The following HDAC1 variants were observed in gnomAD, a reference collection of about 807,000 sequenced individuals.
The protein encoded by HDAC1 is histone deacetylase 1, also known as protein deacetylase HDAC1.
A neutral mutation model predicts 65.5 loss-of-function variants in HDAC1; 18 were observed. That is an observed-to-expected ratio of 0.27 (90% CI 0.19 to 0.41). The LOEUF is 0.41. HDAC1 is among the 10% of genes least tolerant of loss of function. The pLI, the probability that HDAC1 is intolerant of heterozygous loss-of-function variation, is 1.00. For missense variants in HDAC1, 373 were observed against 625.2 expected, an observed-to-expected ratio of 0.60 and a Z score of 4.30; for synonymous variants, 211 against 227.9, an observed-to-expected ratio of 0.93 and a Z score of 0.67.
At chr1:32,294,963 T>G (rs185813416) in intron 1 of HDAC1, among the ~76,000 whole-genome samples, 11 of 152,140 alleles carry the variant, frequency 7.2e-5, no homozygotes, top group African/African-American at 1.9e-4. Context: ...CACTGTTTTT[T>G]TTGTTGTTGT....
At chr1:32,332,555 G>A in intron 12 of HDAC1, 146 bp from the exon 13 acceptor site, 1 of 677,338 alleles carries the variant, frequency 1.5e-6, no homozygotes, top group Non-Finnish European at 2.6e-6. Context: ...TCTCAACAGG[G>A]CTCACTGGGA....
At position 32,330,357 on chromosome 1, in the gene HDAC1, C is replaced by T. The variant is rs1641274715; in HGVS notation, c.730-221C>T. 5 of 521,722 alleles carry T rather than the reference C, an allele frequency of 9.6e-6. No homozygotes were observed. The South Asian group carries it at 1.0e-4, about 11-fold the overall frequency. The allele number at this position is 521,722 out of a possible 1,614,324, so 32.3% of individuals were successfully genotyped here. On this transcript the variant is annotated intron_variant, in intron 7 of 13. Coordinates refer to ENST00000373548, the MANE Select transcript of HDAC1 (RefSeq NM_004964.3). This position sits in a 1 kb window ranked among gnomAD's most constrained non-coding sequence, Gnocchi z 4.2. ...GGAGGCCATTCTAGGTTCAGTGTTA[C>T]TAGAGTGTTAGAAGGGTCTTAGAGA... is the stretch of plus-strand genomic sequence containing the variant.
chr1:32,303,739 G>A (rs936785767), intron 2 of HDAC1, among the ~76,000 whole-genome samples: 15 of 152,114 alleles, frequency 9.9e-5, no homozygotes, highest in African/African-American at 3.1e-4. Context: ...GCCTGCACCT[G>A]TAGTCCCAGC....
At chr1:32,306,180 CT>C (rs995428100) in intron 2 of HDAC1, among the ~76,000 whole-genome samples, 1 of 147,568 alleles carries the variant, frequency 6.8e-6, no homozygotes, top group Non-Finnish European at 1.5e-5. Flanking sequence ...ACTTTTTTTT[CT>C]TTTTCTTTTT....
intron 2 of HDAC1, among the ~76,000 whole-genome samples, chr1:32,308,402 A>G (rs534892693): frequency 1.3e-4 from 20 of 152,378 alleles, no homozygotes; most frequent in African/African-American, 4.3e-4. Context: ...TGTGATACCA[A>G]TATGGAAGAT....
At chr1:32,295,709 A>C (rs1027133974) in intron 1 of HDAC1, among the ~76,000 whole-genome samples, 1 of 152,200 alleles carries the variant, frequency 6.6e-6, no homozygotes, top group Non-Finnish European at 1.5e-5. Flanking sequence ...TTTCCAACAC[A>C]TGAATTTTGG....
chr1:32,313,792 A>G (rs1456550488), intron 2 of HDAC1, among the ~76,000 whole-genome samples: 1 of 152,108 alleles, frequency 6.6e-6, no homozygotes, highest in South Asian at 2.1e-4. Context: ...AAAGATGTGC[A>G]TGTGAGGTGA....
chr1:32,308,182 G>T (rs1570012358), intron 2 of HDAC1, among the ~76,000 whole-genome samples: 2 of 152,282 alleles, frequency 1.3e-5, no homozygotes, highest in South Asian at 4.2e-4. Context: ...AGCTGGGCAT[G>T]GTGGCACATG....
chr1:32,292,134 C>T lies in HDAC1; in HGVS notation c.-36C>T, dbSNP rs1400643995. The T allele has an allele frequency of 1.9e-6, 3 of 1,545,292 alleles. No individual in the cohort carries two copies. In the East Asian group the frequency reaches 7.3e-5, roughly 38 times the overall value. ...GCGGAGCCGCGGGCGGGAGGGCGGA[C>T]GGACCGACTGACGGTAGGGACGGGA... On this transcript the variant is annotated 5_prime_UTR_variant, in exon 1 of 14. It adds an upstream start codon to the 5' untranslated region. Coordinates refer to ENST00000373548, the MANE Select transcript of HDAC1 (RefSeq NM_004964.3).
At chr1:32,305,961 C>T (rs1640905013) in intron 2 of HDAC1, among the ~76,000 whole-genome samples, 1 of 152,086 alleles carries the variant, frequency 6.6e-6, no homozygotes, top group African/African-American at 2.4e-5. Flanking sequence ...TGCATATATA[C>T]TCATCAAGCA....
chr1:32,329,846 ATGGCAGTAAGGG>A lies in HDAC1; in HGVS notation c.729+692_729+703del, dbSNP rs1239806643. 1 of 156,604 alleles carries A rather than the reference ATGGCAGTAAGGG, an allele frequency of 6.4e-6. No homozygotes were observed. The highest frequency in any genetic ancestry group is 2.4e-5 in the African/African-American group (1 of 41,458). The allele number at this position is 156,604 out of a possible 1,614,324, so 9.7% of individuals were successfully genotyped here. A position where few individuals can be genotyped will look rare whatever the true frequency, so the allele number is the denominator to read the frequency against. On this transcript the variant is annotated intron_variant, in intron 7 of 13. Transcript: ENST00000373548. The surrounding 1 kb of genome is among the most constrained non-coding windows in gnomAD (Gnocchi z 4.1). ...AGGTGCCCATGTGAAGAAGGAGGTG[ATGGCAGTAAGGG>A]TGGCATTTAGTAGAAGGAATGGCAC...
intron 2 of HDAC1, among the ~76,000 whole-genome samples, chr1:32,311,521 G>A (rs1311555179): frequency 6.6e-6 from 1 of 151,936 alleles, no homozygotes; most frequent in East Asian, 1.9e-4. Flanking sequence ...TAGGTGGTTG[G>A]TGCTGAGAAT....
chr1:32,307,043 C>T (rs1248405653), intron 2 of HDAC1, among the ~76,000 whole-genome samples: 1 of 152,024 alleles, frequency 6.6e-6, no homozygotes, highest in South Asian at 2.1e-4. Flanking sequence ...GTCAGGAGTT[C>T]GAGACCACCT....
chr1:32,326,622 T>A (rs986626291), intron 4 of HDAC1, among the ~76,000 whole-genome samples: 1 of 152,076 alleles, frequency 6.6e-6, no homozygotes, highest in Non-Finnish European at 1.5e-5. Flanking sequence ...TTACTGTTAC[T>A]CTGATATTTT....
rs781048878 is a variant in HDAC1 at position 32,327,306 on chromosome 1, TG to T, written c.495-229del. On this transcript the variant is annotated intron_variant, in intron 5 of 13. Transcript: ENST00000373548. This position sits in a 1 kb window ranked among gnomAD's most constrained non-coding sequence, Gnocchi z 6.0. ...AGATCCTGCCTCCAGAGTGTCCCTG[TG>T]TGGCTGGAGTTGACCCTGGCTGTAG... The T allele has an allele frequency of 1.3e-5, 8 of 617,958 alleles. No homozygotes were observed. The highest frequency in any genetic ancestry group is 2.3e-5 in the Non-Finnish European group (8 of 351,564). 38.3% of individuals were successfully genotyped at this position (617,958 alleles called of 1,614,324 possible). A position where few individuals can be genotyped will look rare whatever the true frequency, so the allele number is the denominator to read the frequency against.
rs2148065273 is a variant in HDAC1 at position 32,316,706 on chromosome 1, C to T, written c.204C>T (p.His68=). Residue 68 remains histidine (H), a synonymous_variant, in exon 3 of 14, where the codon CAC becomes CAT. Coordinates refer to ENST00000373548, the MANE Select transcript of HDAC1 (RefSeq NM_004964.3). Reference sequence around the variant, plus strand: ...ATGCTGAGGAGATGACCAAGTACCACAGCGATGACTACATTAAATTCTTGC... The same window carrying T: ...ATGCTGAGGAGATGACCAAGTACCATAGCGATGACTACATTAAATTCTTGC... ...KANAEEMTKY[H]SDDYIKFLRS... is the part of the protein sequence containing the mutation. 2 of 1,614,046 alleles carry T rather than the reference C, an allele frequency of 1.2e-6. No individual in the cohort carries two copies. The highest frequency in any genetic ancestry group is 1.1e-5 in the South Asian group (1 of 91,084).
chr1:32,332,604 G>A lies in HDAC1; in HGVS notation c.1373-97G>A, dbSNP rs1641310136. 7.0e-6 allele frequency: 6 copies of A among 856,414 alleles called. No individual in the cohort carries two copies. The Admixed American group carries it at 8.5e-5, about 12-fold the overall frequency. 53.1% of individuals were successfully genotyped at this position (856,414 alleles called of 1,614,324 possible). A position where few individuals can be genotyped will look rare whatever the true frequency, so the allele number is the denominator to read the frequency against. ...GCTTTTCTCTCTTTATGTCCAGTGA[G>A]CTGTAGTGTTGGGGAAGGGGTCTCA... On this transcript the variant is annotated intron_variant, in intron 12 of 13. Coordinates refer to ENST00000373548, the MANE Select transcript of HDAC1 (RefSeq NM_004964.3).
In HDAC1 at chr1:32,332,998, G is replaced by T. The variant is rs1445571899; in HGVS notation, c.1422-19G>T. On this transcript the variant is annotated intron_variant, in intron 13 of 13. Transcript: ENST00000373548. The stretch of plus-strand genomic sequence containing the variant: ...CTCTGGGCTGGGTCATCTCATGCCA[G>T]TCTCTGCTCTCTCCACAGGGTCAAG... 1.2e-6 allele frequency: 2 copies of T among 1,613,370 alleles called. No individual in the cohort carries two copies. Among genetic ancestry groups the T allele is most frequent in the Non-Finnish European group, 1.7e-6 (2 of 1,179,594 alleles).
At chr1:32,311,421 C>T (rs750884691) in intron 2 of HDAC1, among the ~76,000 whole-genome samples, 7 of 151,840 alleles carry the variant, frequency 4.6e-5, no homozygotes, top group Non-Finnish European at 2.9e-5. Context: ...GAGCCGAGAT[C>T]GTGCCATTAC....
Sources: allele counts gnomAD v4.1 joint callset (sites outside exome capture counted in the v4.1 genomes callset), GRCh38; gene constraint gnomAD v4.1.1; non-coding constraint Gnocchi (gnomAD v3.1); transcripts MANE v1.5; gene names NCBI Gene and HGNC (gene_info 2026-07-23, HGNC 2026-07-21).